Variants in PIEZO1 observed in about 807,000 individuals in gnomAD.
PIEZO1 encodes the protein piezo-type mechanosensitive ion channel component 1.
Under a neutral mutation model 297.2 loss-of-function variants are expected in PIEZO1, and 296 were observed. That is an observed-to-expected ratio of 1.00 (90% CI 0.91 to 1.10). PIEZO1 has a LOEUF of 1.10. PIEZO1 is among the 50% of genes least tolerant of loss of function. The pLI, the probability that PIEZO1 is intolerant of heterozygous loss-of-function variation, is 0.00. For missense variants in PIEZO1, 5,018 were observed against 3,455.5 expected (o/e 1.45, Z -11.34); for synonymous variants, 2,427 against 1,507.5 (o/e 1.61, Z -14.13).
intron 1 of PIEZO1, among the ~76,000 whole-genome samples, chr16:88,755,865 G>T (rs1267192062): frequency 6.6e-6 from 1 of 152,234 alleles, no homozygotes; most frequent in Non-Finnish European, 1.5e-5. Context: ...GTGGCGCTCA[G>T]GAGTCAACCT....
At chr16:88,781,109 C>T (rs944131665) in intron 1 of PIEZO1, among the ~76,000 whole-genome samples, 6 of 152,258 alleles carry the variant, frequency 3.9e-5, no homozygotes, top group East Asian at 1.9e-4. Context: ...CTGACGACTG[C>T]GGTGGTCCCA....
At chr16:88,731,586 TGGA>T in intron 22 of PIEZO1, 117 bp downstream of exon 22, 1 of 711,736 alleles carries the variant, frequency 1.4e-6, no homozygotes, top group East Asian at 2.7e-5. Flanking sequence ...GAGGAGGGAC[TGGA>T]GGAGGCCAAG....
At chr16:88,737,458 C>T (rs913854197) in intron 10 of PIEZO1, 101 bp downstream of exon 10, 4 of 773,960 alleles carry the variant, frequency 5.2e-6, no homozygotes, top group Admixed American at 5.4e-5. Context: ...GGCAGAGGTG[C>T]GGCGCGAGCA....
At chr16:88,727,248 C>A in intron 23 of PIEZO1, 56 bp from the exon 24 acceptor site, 1 of 1,468,800 alleles carries the variant, frequency 6.8e-7, no homozygotes, top group Non-Finnish European at 9.0e-7. Context: ...GAGGTGGGCA[C>A]GGCGCATAAA....
intron 19 of PIEZO1, chr16:88,733,057 C>T (rs543115526): frequency 1.7e-5 from 10 of 590,820 alleles, no homozygotes; most frequent in Non-Finnish European, 3.0e-5. Flanking sequence ...CCCTGGGACT[C>T]CGCCCCTACT....
intron 1 of PIEZO1, among the ~76,000 whole-genome samples, chr16:88,782,264 C>G (rs1184014129): frequency 6.6e-6 from 1 of 152,188 alleles, no homozygotes; most frequent in Non-Finnish European, 1.5e-5. Context: ...TGCACTACCA[C>G]CATGCCCAGC....
chr16:88,733,925 C>G lies in PIEZO1; in HGVS notation c.2310G>C (p.Gln770His). 1 of 1,523,574 alleles carries G rather than the reference C, an allele frequency of 6.6e-7. No homozygotes were observed. Among genetic ancestry groups the G allele is most frequent in the Admixed American group, 2.1e-5 (1 of 48,672 alleles). The allele number at this position is 1,523,574 out of a possible 1,614,324, so 94.4% of individuals were successfully genotyped here. A position where few individuals can be genotyped will look rare whatever the true frequency, so the allele number is the denominator to read the frequency against. Residue 770 changes from glutamine (Q) to histidine (H), a missense_variant, in exon 17 of 51, where the codon CAG becomes CAC. Transcript: ENST00000301015. ...ACCCACCTTCAGGCACCTGCGTGGCCTGGTGGGGAGTGGCCACGCCCAGCC... is the reference window on the plus strand; with the variant it reads ...ACCCACCTTCAGGCACCTGCGTGGCGTGGTGGGGAGTGGCCACGCCCAGCC... ...DEGLGVATPH[Q>H]ATQVPEGAAK... is the part of the protein sequence containing the mutation.
At chr16:88,774,885 G>GT (rs1379300815) in intron 1 of PIEZO1, among the ~76,000 whole-genome samples, 1 of 152,208 alleles carries the variant, frequency 6.6e-6, no homozygotes, top group Non-Finnish European at 1.5e-5. Context: ...TTCAGAGATG[G>GT]TAATACCAGG....
chr16:88,781,722 G>A (rs753244822), intron 1 of PIEZO1, among the ~76,000 whole-genome samples: 3 of 152,274 alleles, frequency 2.0e-5, no homozygotes, highest in Non-Finnish European at 4.4e-5. Context: ...GCCATGCTCA[G>A]CTCAGAGGGT....
chr16:88,750,193 GGGTGT>G (rs1343432734), intron 1 of PIEZO1, among the ~76,000 whole-genome samples: 1 of 151,992 alleles, frequency 6.6e-6, no homozygotes, highest in Non-Finnish European at 1.5e-5. Flanking sequence ...AAAATTAGCT[GGGTGT>G]GGTGGCGGGC....
At chr16:88,763,751 C>T (rs971409264) in intron 1 of PIEZO1, among the ~76,000 whole-genome samples, 1 of 152,124 alleles carries the variant, frequency 6.6e-6, no homozygotes, top group Non-Finnish European at 1.5e-5. Context: ...ATGGAAGGGC[C>T]GATGTTAAGG....
At chr16:88,755,279 C>G (rs1906597109) in intron 1 of PIEZO1, among the ~76,000 whole-genome samples, 1 of 152,262 alleles carries the variant, frequency 6.6e-6, no homozygotes, top group South Asian at 2.1e-4. Flanking sequence ...AAATGCTAAT[C>G]TGCTGATTAA....
At chr16:88,719,983 A>G in intron 42 of PIEZO1, 23 bp from the exon 43 acceptor site, 1 of 1,549,884 alleles carries the variant, frequency 6.5e-7, no homozygotes, top group East Asian at 2.4e-5. Flanking sequence ...GGCCAGGTCA[A>G]GGACCCCATC....
At chr16:88,720,565 A>ACCCGCCTCCCCACCCCCACTC in intron 40 of PIEZO1, 33 bp from the exon 41 acceptor site, 1 of 1,486,342 alleles carries the variant, frequency 6.7e-7, no homozygotes, top group Non-Finnish European at 9.2e-7. Flanking sequence ...TGGGCCCAGT[A>ACCCGCCTCCCCACCCCCACTC]CCCGCCTCCC....
In PIEZO1 at chr16:88,738,122, C is replaced by G; in HGVS notation, c.849-17G>C. On this transcript the variant is annotated splice_polypyrimidine_tract_variant and intron_variant, in intron 7 of 50. Coordinates refer to ENST00000301015, the MANE Select transcript of PIEZO1 (RefSeq NM_001142864.4). The stretch of plus-strand genomic sequence containing the variant: ...CCCAGCACCCTGTCCAGAGAAGACC[C>G]GTCACAGCCTACCACCCCAGAGGCA... 2 of 1,535,812 alleles carry G rather than the reference C, an allele frequency of 1.3e-6. No individual in the cohort carries two copies. The highest frequency in any genetic ancestry group is 2.4e-5 in the East Asian group (1 of 40,914).
At chr16:88,750,039 A>C (rs374083052) in intron 1 of PIEZO1, among the ~76,000 whole-genome samples, 2 of 151,468 alleles carry the variant, frequency 1.3e-5, no homozygotes, top group South Asian at 2.1e-4. Context: ...AGAAAGAAAG[A>C]AAATGCTATT....
At chr16:88,746,023 T>C (rs4782402) in intron 2 of PIEZO1, among the ~76,000 whole-genome samples, 81,204 of 151,280 alleles carry the variant, frequency 0.54, 22,439 homozygotes, top group Non-Finnish European at 0.62. Flanking sequence ...GAGTGTGGAG[T>C]TGCCCTGAGT....
Position 88,723,805 on chromosome 16 carries a change from G to A in PIEZO1, c.4335+66C>T, listed in dbSNP as rs564380093. The A allele has an allele frequency of 1.7e-4, 150 of 870,578 alleles. No homozygotes were observed. The African/African-American group carries it at 1.9e-3, about 11-fold the overall frequency. 53.9% of individuals were successfully genotyped at this position (870,578 alleles called of 1,614,324 possible). A position where few individuals can be genotyped will look rare whatever the true frequency, so the allele number is the denominator to read the frequency against. On this transcript the variant is annotated intron_variant, in intron 31 of 50. Coordinates refer to ENST00000301015, the MANE Select transcript of PIEZO1 (RefSeq NM_001142864.4). ...CCTGGGGGCATCTGACACCCTCTAT[G>A]CTGCCCTGGTCCAGGACCACAAGCT... is the stretch of plus-strand genomic sequence containing the variant.
rs773411239 is a variant in PIEZO1 at position 88,721,345 on chromosome 16, CCCTCCTCGGCTCCCTGCT to C, written c.5471_5488del (p.Glu1824_Glu1829del). 1.9e-6 allele frequency: 3 copies of C among 1,548,308 alleles called. No homozygotes were observed. The highest frequency in any genetic ancestry group is 2.7e-5 in the African/African-American group (2 of 73,008). On this transcript the variant is annotated inframe_deletion, in exon 39 of 51. Transcript: ENST00000301015. ...GGTGGTGGCCGCAGGCACCCCTGGC[CCCTCCTCGGCTCCCTGCT>C]CCTCCTCGCCGCTCTTGTCATGCTC...
Sources: allele counts gnomAD v4.1 joint callset (sites outside exome capture counted in the v4.1 genomes callset), GRCh38; gene constraint gnomAD v4.1.1; transcripts MANE v1.5; gene names NCBI Gene and HGNC (gene_info 2026-07-23, HGNC 2026-07-21).